The following HERC1 variants were observed in gnomAD, a reference collection of about 807,000 sequenced individuals.
HERC1 encodes HECT and RLD domain containing E3 ubiquitin protein ligase family member 1.
A neutral mutation model predicts 554.3 loss-of-function variants in HERC1; 160 were observed. That is an observed-to-expected ratio of 0.29 (90% confidence interval 0.25 to 0.33). The LOEUF is 0.33. Among genes scored for constraint, HERC1 ranks in the 10% least tolerant of loss-of-function variants. HERC1 has a pLI of 1.00. For missense variants in HERC1, 4,919 were observed against 5,918.5 expected (o/e 0.83, Z 5.54); for synonymous variants, 2,175 against 2,131.7 (o/e 1.02, Z -0.56).
intron 1 of HERC1, among the ~76,000 whole-genome samples, chr15:63,785,861 G>A (rs779039500): frequency 6.6e-6 from 1 of 152,112 alleles, no homozygotes; most frequent in Non-Finnish European, 1.5e-5. Context: ...TGATATCTCA[G>A]AGAGATTATT....
chr15:63,799,962 T>C (rs114468224), intron 1 of HERC1, among the ~76,000 whole-genome samples: 1 of 152,104 alleles, frequency 6.6e-6, no homozygotes, highest in African/African-American at 2.4e-5. Context: ...AGACTCCATC[T>C]TTACAGAAAA....
Position 63,616,672 on chromosome 15 carries a change from T to C in HERC1, c.13699A>G (p.Asn4567Asp). The change falls in exon 75 of 78, where the codon AAC becomes GAC. Residue 4567 changes from asparagine (N) to aspartate (D), a missense_variant. This residue lies in a region of HERC1 where 284 missense variants were observed against 294.1 expected (regional missense o/e 0.97). Coordinates refer to ENST00000443617, the MANE Select transcript of HERC1 (RefSeq NM_003922.4). ...TGTTCATCGAGGCAGGCAGAAGGGT[T>C]AAAAAGGAACCTGTAAAATTAAAGG... ...VGYNRDRFLF[N>D]PSACLDEHLM... 3 of 1,613,070 alleles carry C rather than the reference T, an allele frequency of 1.9e-6. No individual in the cohort carries two copies. The highest frequency in any genetic ancestry group is 2.5e-6 in the Non-Finnish European group (3 of 1,179,476).
At chr15:63,766,192 A>G (rs2075771196) in intron 2 of HERC1, among the ~76,000 whole-genome samples, 1 of 151,562 alleles carries the variant, frequency 6.6e-6, no homozygotes, top group Admixed American at 6.6e-5. Context: ...ATAATCATAG[A>G]GGTCAAACAT....
chr15:63,652,147 A>C (rs1170419003), intron 52 of HERC1, among the ~76,000 whole-genome samples: 1 of 152,228 alleles, frequency 6.6e-6, no homozygotes, highest in East Asian at 1.9e-4. Flanking sequence ...ACCTATAGCA[A>C]ATTAGCCTAC....
chr15:63,811,809 CAAAAAAAA>C (rs374847616), intron 1 of HERC1, among the ~76,000 whole-genome samples: 1 of 77,168 alleles, frequency 1.3e-5, no homozygotes, highest in African/African-American at 5.2e-5. Context: ...ACTCCGTCTC[CAAAAAAAA>C]AAAAAAAAAA....
intron 1 of HERC1, among the ~76,000 whole-genome samples, chr15:63,801,046 G>A (rs2076968534): frequency 6.6e-6 from 1 of 152,308 alleles, no homozygotes; most frequent in African/African-American, 2.4e-5. Flanking sequence ...GGTTCAGAAA[G>A]CTTTCAGGTT....
intron 18 of HERC1, among the ~76,000 whole-genome samples, chr15:63,723,849 T>C (rs1244081117): frequency 2.0e-5 from 3 of 152,286 alleles, no homozygotes; most frequent in South Asian, 2.1e-4. Flanking sequence ...AATTTCTCAA[T>C]TGATATTTAT....
intron 1 of HERC1, among the ~76,000 whole-genome samples, chr15:63,828,618 C>T (rs555187871): frequency 9.9e-5 from 15 of 152,260 alleles, no homozygotes; most frequent in Non-Finnish European, 1.8e-4. Flanking sequence ...GGATTACAGG[C>T]ATGAGCCACC....
intron 26 of HERC1, among the ~76,000 whole-genome samples, chr15:63,697,450 ATTTTT>A (rs35244420): frequency 8.3e-5 from 9 of 108,494 alleles, no homozygotes; most frequent in African/African-American, 1.8e-4. Context: ...GTTAATCTTG[ATTTTT>A]TTTTTTTTTT....
chr15:63,666,451 C>T lies in HERC1; in HGVS notation c.8228G>A (p.Arg2743Lys). 1 of 1,612,814 alleles carries T rather than the reference C, an allele frequency of 6.2e-7. No homozygotes were observed. The highest frequency in any genetic ancestry group is 8.5e-7 in the Non-Finnish European group (1 of 1,179,282). ...NRTALSDPSSRLSTSPPPPAI... is the reference protein window; with the variant it reads ...NRTALSDPSSKLSTSPPPPAI... ...TGGAGGAGGAGGAGAAGTTGAAAGT[C>T]TACTGCTTGGGTCTGACAAGGCTGA... The change falls in exon 41 of 78, where the codon AGA becomes AAA. Residue 2743 changes from arginine to lysine, a missense_variant. Transcript: ENST00000443617.
At chr15:63,633,753 T>C in intron 67 of HERC1, 95 bp downstream of exon 67, 1 of 1,315,832 alleles carries the variant, frequency 7.6e-7, no homozygotes, top group Non-Finnish European at 1.0e-6. Flanking sequence ...CTACCAAAAG[T>C]ACTAAAGGTA....
intron 69 of HERC1, 58 bp downstream of exon 69, chr15:63,630,408 G>A (rs2068495026): frequency 6.5e-7 from 1 of 1,531,054 alleles, no homozygotes; most frequent in Non-Finnish European, 8.9e-7. Context: ...TTCCCCAACT[G>A]AGGAACACTG....
chr15:63,775,615 A>G lies in HERC1; in HGVS notation c.9T>C (p.Thr3=). The change falls in exon 2 of 78, where the codon ACT becomes ACC. Residue 3 remains threonine (T), a synonymous_variant. Coordinates refer to ENST00000443617, the MANE Select transcript of HERC1 (RefSeq NM_003922.4). The surrounding 1 kb of genome is among the most constrained non-coding windows in gnomAD (Gnocchi z 4.0). ...ATTTCAGCTTCACTGGTGGAATCAT[A>G]GTTGCCATGTTGATTTATCCTTCAG... The part of the protein sequence containing the change: MA[T]MIPPVKLKWL... 6.3e-7 allele frequency: 1 copy of G among 1,593,288 alleles called. No individual in the cohort carries two copies. The highest frequency in any genetic ancestry group is 8.5e-7 in the Non-Finnish European group (1 of 1,171,154).
intron 57 of HERC1, among the ~76,000 whole-genome samples, chr15:63,644,752 C>A (rs2069245049): frequency 6.6e-6 from 1 of 152,120 alleles, no homozygotes; most frequent in South Asian, 2.1e-4. Context: ...TCAATTATAT[C>A]CACTATCACA....
chr15:63,783,400 T>A (rs970860214), intron 1 of HERC1, among the ~76,000 whole-genome samples: 7 of 152,170 alleles, frequency 4.6e-5, no homozygotes, highest in African/African-American at 1.7e-4. Flanking sequence ...ACTCTCAGCA[T>A]TTTTTAGCAA....
chr15:63,796,491 G>A (rs982434978), intron 1 of HERC1, among the ~76,000 whole-genome samples: 4 of 152,136 alleles, frequency 2.6e-5, no homozygotes, highest in East Asian at 1.9e-4. Context: ...CGATCATTCC[G>A]GGGTGTAGAC....
intron 24 of HERC1, among the ~76,000 whole-genome samples, chr15:63,708,612 A>T (rs528718089): frequency 1.3e-5 from 2 of 152,346 alleles, no homozygotes; most frequent in Admixed American, 1.3e-4. Context: ...CAAGCAGAGA[A>T]TAACAGTAGA....
chr15:63,832,261 T>C (rs1482083434), intron 1 of HERC1, among the ~76,000 whole-genome samples: 1 of 152,166 alleles, frequency 6.6e-6, no homozygotes, highest in Non-Finnish European at 1.5e-5. Flanking sequence ...TGTGTATAGG[T>C]GCAGAATACG....
chr15:63,693,928 C>A, intron 30 of HERC1, 36 bp downstream of exon 30: 2 of 1,533,484 alleles, frequency 1.3e-6, no homozygotes, highest in South Asian at 1.2e-5. Flanking sequence ...TTAATAAATG[C>A]TTGTAAGTAA....
Sources: gnomAD v4.1 joint callset for allele counts (sites outside exome capture counted in the v4.1 genomes callset) on GRCh38, gnomAD v4.1.1 for gene constraint, gnomAD v4.1.1 regional missense constraint, Gnocchi (gnomAD v3.1) non-coding constraint, MANE v1.5 for transcripts, NCBI Gene and HGNC (gene_info 2026-07-23, HGNC 2026-07-21) for gene names.